ARID1B: variants seen among roughly 807,000 people sequenced by gnomAD.
The protein encoded by ARID1B is AT-rich interactive domain-containing protein 1B.
ARID1B carries 30 observed loss-of-function variants against 212.3 expected under a neutral mutation model. The ratio of observed to expected loss-of-function variants is 0.14; its 90% confidence interval spans 0.11 to 0.19. The LOEUF is 0.19. Among genes scored for constraint, ARID1B ranks in the 10% least tolerant of loss-of-function variants. The pLI is 1.00. For missense variants in ARID1B, 2,891 were observed against 3,204.0 expected (o/e 0.90, Z 2.36); for synonymous variants, 1,402 against 1,301.7 (o/e 1.08, Z -1.66).
rs78991048 is a variant in ARID1B, at chr6:157,144,374, C to T, written c.2762-4250C>T. ...TCATTTCCTTCTAAAGCAAAGGGCA[C>T]ATAAGTTTTCACTGAAAAAGGTTTC... On this transcript the variant is annotated intron_variant, in intron 7 of 19. Transcript: ENST00000636930. Among the ~76,000 whole-genome samples, 482 of 152,290 alleles carry T rather than the reference C, an allele frequency of 3.2e-3. 2 individuals carry two copies. Among genetic ancestry groups the T allele is most frequent in the African/African-American group, 0.011 (437 of 41,536 alleles).
chr6:157,198,493 G>A, intron 16 of ARID1B: 1 of 312,892 alleles, frequency 3.2e-6, no homozygotes, highest in Non-Finnish European at 6.0e-6. Context: ...GACAGGCGGG[G>A]CTGCGGCCTC....
intron 2 of ARID1B, among the ~76,000 whole-genome samples, chr6:156,866,926 A>G (rs528508061): frequency 1.3e-5 from 2 of 152,324 alleles, no homozygotes; most frequent in East Asian, 3.9e-4. Context: ...TTTAAGTGTG[A>G]TTTAGTGCAT....
intron 2 of ARID1B, among the ~76,000 whole-genome samples, chr6:156,880,760 AAAAAG>A (rs1223182991): frequency 2.0e-4 from 19 of 96,588 alleles, no homozygotes; most frequent in African/African-American, 7.6e-4. Flanking sequence ...AAAAAAAAAA[AAAAAG>A]AAAAGAAAAG....
In ARID1B at chr6:157,025,378, C is replaced by T. The variant is rs75000870; in HGVS notation, c.2248-59284C>T. ...GATTACTATGTTGAGAAATGCATAA[C>T]AATGATGTGTAAGGCAGAACAGTAT... On this transcript the variant is annotated intron_variant, in intron 4 of 19. Coordinates refer to ENST00000636930, the MANE Select transcript of ARID1B (RefSeq NM_001374828.1). Among the ~76,000 whole-genome samples the T allele has an allele frequency of 4.4e-3, 672 of 152,324 alleles. 4 individuals are homozygous for T. The highest frequency in any genetic ancestry group is 0.015 in the African/African-American group (640 of 41,552).
intron 1 of ARID1B, 101 bp from the exon 2 acceptor site, chr6:156,829,126 A>T: frequency 1.1e-6 from 1 of 951,944 alleles, no homozygotes; most frequent in Non-Finnish European, 1.6e-6. Context: ...TTTAAAACTT[A>T]AGGATAGTTG....
At chr6:157,071,097 G>A (rs536601949) in intron 4 of ARID1B, 1 of 152,018 alleles carries the variant, frequency 6.6e-6, no homozygotes, top group Non-Finnish European at 1.5e-5. Flanking sequence ...ACCAGTCTTC[G>A]TATGTTTATT....
intron 5 of ARID1B, among the ~76,000 whole-genome samples, chr6:157,107,430 A>G (rs750392491): frequency 2.6e-5 from 4 of 152,230 alleles, no homozygotes; most frequent in Non-Finnish European, 5.9e-5. Flanking sequence ...CACTATTTTT[A>G]CAAGTTTTCT....
intron 2 of ARID1B, among the ~76,000 whole-genome samples, chr6:156,877,436 C>G (rs1786650612): frequency 6.6e-6 from 1 of 152,184 alleles, no homozygotes; most frequent in Admixed American, 6.5e-5. Flanking sequence ...TCTCCTGTTT[C>G]CTTCAGGTGT....
intron 8 of ARID1B, chr6:157,149,947 G>A (rs1264415634): frequency 1.3e-5 from 2 of 152,128 alleles, no homozygotes; most frequent in African/African-American, 4.8e-5. Flanking sequence ...TTCCCTTGAG[G>A]AAATAAAATG....
intron 7 of ARID1B, among the ~76,000 whole-genome samples, chr6:157,145,964 T>TAATCC (rs1216415713): frequency 1.3e-5 from 2 of 152,208 alleles, no homozygotes; most frequent in Non-Finnish European, 2.9e-5. Flanking sequence ...TTGCAGTTAT[T>TAATCC]AATCCAATCC....
intron 2 of ARID1B, among the ~76,000 whole-genome samples, chr6:156,897,744 T>A (rs531919883): frequency 8.5e-5 from 13 of 152,064 alleles, no homozygotes; most frequent in African/African-American, 3.1e-4. Flanking sequence ...GGGCCAGCAG[T>A]TTTTGGCCAA....
At chr6:156,929,564 A>G (rs1791528168) in intron 3 of ARID1B, among the ~76,000 whole-genome samples, 1 of 152,238 alleles carries the variant, frequency 6.6e-6, no homozygotes, top group Non-Finnish European at 1.5e-5. Context: ...GAAATTATTG[A>G]GACTACTCAA....
chr6:157,145,904 G>T (rs1789691746), intron 7 of ARID1B, among the ~76,000 whole-genome samples: 3 of 152,158 alleles, frequency 2.0e-5, no homozygotes, highest in African/African-American at 7.2e-5. Flanking sequence ...TTAACACAAA[G>T]AACTTGGAAC....
At chr6:156,909,315 G>A (rs879476645) in intron 3 of ARID1B, among the ~76,000 whole-genome samples, 1 of 151,716 alleles carries the variant, frequency 6.6e-6, no homozygotes, top group East Asian at 1.9e-4. Context: ...TAGTAGAAAC[G>A]GGGTTTCACC....
chr6:156,895,669 G>C (rs1000144146), intron 2 of ARID1B, among the ~76,000 whole-genome samples: 1 of 151,998 alleles, frequency 6.6e-6, no homozygotes, highest in Admixed American at 6.6e-5. Flanking sequence ...TAGACATATA[G>C]AAAAGTACAG....
At chr6:156,851,228 A>G (rs948017252) in intron 2 of ARID1B, among the ~76,000 whole-genome samples, 27 of 152,164 alleles carry the variant, frequency 1.8e-4, no homozygotes, top group Non-Finnish European at 3.2e-4. Flanking sequence ...GCTTCTAGAA[A>G]GGGGACCCAG....
At chr6:157,127,720 G>A (rs1462075724) in intron 6 of ARID1B, among the ~76,000 whole-genome samples, 1 of 145,476 alleles carries the variant, frequency 6.9e-6, no homozygotes, top group Non-Finnish European at 1.5e-5. Context: ...AAGTTGCAGT[G>A]AGCCAAGATC....
intron 6 of ARID1B, among the ~76,000 whole-genome samples, chr6:157,123,141 G>A (rs1370467034): frequency 6.6e-6 from 1 of 151,856 alleles, no homozygotes; most frequent in East Asian, 1.9e-4. Context: ...TCCTCACATT[G>A]AGAGTCTATT....
intron 2 of ARID1B, 183 bp downstream of exon 2, chr6:156,829,604 C>A: frequency 1.5e-6 from 1 of 679,014 alleles, no homozygotes; most frequent in Non-Finnish European, 2.3e-6. Flanking sequence ...GAAAGGTGAG[C>A]TTCTTAAAGT....
Sources: gnomAD v4.1 joint callset for allele counts (sites outside exome capture counted in the v4.1 genomes callset) on GRCh38, gnomAD v4.1.1 for gene constraint, MANE v1.5 for transcripts, NCBI Gene and HGNC (gene_info 2026-07-23, HGNC 2026-07-21) for gene names.